MYO5B: variants seen among roughly 807,000 people sequenced by gnomAD.
The protein encoded by MYO5B is myosin VB.
A neutral mutation model predicts 229.3 loss-of-function variants in MYO5B; 143 were observed. The observed-to-expected ratio is 0.62, with a 90% CI of 0.54 to 0.72. The LOEUF is 0.72. Ranked by LOEUF, MYO5B falls within the 30% of genes least tolerant of loss-of-function variation. The probability of loss-of-function intolerance (pLI) is 0.00; values close to 1 mark genes in which losing one functional copy is unlikely to be tolerated. For synonymous variants in MYO5B, 918 were observed against 885.2 expected, an observed-to-expected ratio of 1.04 and a Z score of -0.66; for missense variants, 2,321 against 2,331.0, an observed-to-expected ratio of 1.00 and a Z score of 0.09.
intron 23 of MYO5B, chr18:49,879,527 G>A (rs778633376): frequency 3.0e-5 from 7 of 235,126 alleles, no homozygotes; most frequent in African/African-American, 4.5e-5. Flanking sequence ...AGAGAAGGAT[G>A]GGCTACTTCC....
At chr18:49,838,419 C>T (rs919643404) in intron 36 of MYO5B, among the ~76,000 whole-genome samples, 1 of 152,152 alleles carries the variant, frequency 6.6e-6, no homozygotes, top group Non-Finnish European at 1.5e-5. Context: ...TATGTCAGTT[C>T]TCCCTCTGTC....
chr18:50,179,808 T>C (rs562253102), intron 1 of MYO5B, among the ~76,000 whole-genome samples: 19 of 152,284 alleles, frequency 1.2e-4, no homozygotes, highest in Non-Finnish European at 2.1e-4. Flanking sequence ...GAGCCTCATC[T>C]CCCTTAATGC....
At chr18:49,936,008 C>T (rs760899201) in intron 16 of MYO5B, among the ~76,000 whole-genome samples, 1 of 152,240 alleles carries the variant, frequency 6.6e-6, no homozygotes, top group African/African-American at 2.4e-5. Flanking sequence ...TTCAAGCATG[C>T]ACATTCCTGA....
At chr18:50,145,356 G>A (rs574338394) in intron 1 of MYO5B, among the ~76,000 whole-genome samples, 1 of 151,804 alleles carries the variant, frequency 6.6e-6, no homozygotes, top group East Asian at 1.9e-4. Context: ...GTGTGGTGGT[G>A]GGCACCAATA....
At chr18:49,962,529 T>C in intron 11 of MYO5B, 123 bp from the exon 12 acceptor site, 2 of 1,353,732 alleles carry the variant, frequency 1.5e-6, no homozygotes, top group Non-Finnish European at 2.1e-6. Context: ...AAGGTTTGGA[T>C]GCTAAGTCAT....
intron 1 of MYO5B, among the ~76,000 whole-genome samples, chr18:50,115,272 G>A (rs913242379): frequency 6.6e-6 from 1 of 152,076 alleles, no homozygotes; most frequent in African/African-American, 2.4e-5. Context: ...CACACCACAA[G>A]GTCCTCTCCC....
chr18:49,950,254 T>C (rs1274409254), intron 14 of MYO5B, among the ~76,000 whole-genome samples: 1 of 152,196 alleles, frequency 6.6e-6, no homozygotes, highest in Non-Finnish European at 1.5e-5. Flanking sequence ...AAAAGGTCAC[T>C]GGCTCTTTAG....
chr18:49,837,389 G>T (rs371336958), intron 37 of MYO5B, 128 bp downstream of exon 37: 1 of 1,158,374 alleles, frequency 8.6e-7, no homozygotes, highest in Non-Finnish European at 1.3e-6. Flanking sequence ...GTCACAGACT[G>T]ATGGAGACAA....
chr18:49,848,206 CTCAG>C (rs1568608286), intron 32 of MYO5B, among the ~76,000 whole-genome samples: 1 of 152,210 alleles, frequency 6.6e-6, no homozygotes, highest in Non-Finnish European at 1.5e-5. Flanking sequence ...TATGACACAG[CTCAG>C]TCAGGCACCA....
intron 4 of MYO5B, among the ~76,000 whole-genome samples, chr18:50,007,421 C>G (rs2026113803): frequency 6.6e-6 from 1 of 152,190 alleles, no homozygotes; most frequent in South Asian, 2.1e-4. Flanking sequence ...GCTTTCCAGC[C>G]TGTACTCTCC....
intron 14 of MYO5B, among the ~76,000 whole-genome samples, chr18:49,946,546 T>A (rs1382493213): frequency 6.6e-6 from 1 of 152,244 alleles, no homozygotes; most frequent in Non-Finnish European, 1.5e-5. Context: ...TTTCTCCTGC[T>A]TCCATTAGAA....
intron 33 of MYO5B, 122 bp from the exon 34 acceptor site, chr18:49,843,514 GTCTCAA>G: frequency 3.9e-6 from 5 of 1,271,468 alleles, no homozygotes; most frequent in Non-Finnish European, 5.6e-6. Context: ...AGGAATAGAT[GTCTCAA>G]AGAGGATTGG....
In MYO5B at chr18:49,929,496, C is replaced by A. The variant is rs576210812; in HGVS notation, c.2090+16G>T. On this transcript the variant is annotated intron_variant, in intron 17 of 39. Transcript: ENST00000285039. ...TAGGGCAGCCCCAGGAGGCAGCTGG[C>A]GGGCACGTTAGTTACCTGGATGGGT... is the stretch of plus-strand genomic sequence containing the variant. 6.3e-7 allele frequency: 1 copy of A among 1,594,324 alleles called. No individual in the cohort carries two copies. The highest frequency in any genetic ancestry group is 2.2e-5 in the East Asian group (1 of 44,600).
intron 1 of MYO5B, among the ~76,000 whole-genome samples, chr18:50,130,225 AT>A (rs1267630340): frequency 1.9e-4 from 29 of 152,306 alleles, no homozygotes; most frequent in Non-Finnish European, 3.2e-4. Flanking sequence ...CATCAGCCAT[AT>A]TTTTTTAAGC....
At chr18:49,960,452 G>C (rs2025546395) in intron 12 of MYO5B, among the ~76,000 whole-genome samples, 1 of 152,140 alleles carries the variant, frequency 6.6e-6, no homozygotes, top group Non-Finnish European at 1.5e-5. Flanking sequence ...GTGCTTCCAG[G>C]CCCTACTATG....
chr18:49,877,218 A>G (rs181656189), intron 25 of MYO5B, among the ~76,000 whole-genome samples: 1 of 152,330 alleles, frequency 6.6e-6, no homozygotes, highest in East Asian at 1.9e-4. Context: ...AAAATTATAC[A>G]AAGACCACAC....
rs956656105 is a variant in MYO5B, at chr18:50,065,430, A to G, written c.28-10052T>C. Among the ~76,000 whole-genome samples the G allele has an allele frequency of 2.0e-5, 3 of 152,338 alleles. No homozygotes were observed. The South Asian group carries it at 6.2e-4, about 32-fold the overall frequency. ...CTGGGGAGGCTTCAGGAAACTTACA[A>G]TCATGGCGGAAGGCGAAGCAGCAGC... On this transcript the variant is annotated intron_variant, in intron 1 of 39. Transcript: ENST00000285039.
chr18:50,095,976 A>T (rs75519872), intron 1 of MYO5B, among the ~76,000 whole-genome samples: 1 of 152,154 alleles, frequency 6.6e-6, no homozygotes, highest in East Asian at 1.9e-4. Context: ...GTAGGTCAAT[A>T]TCACCCACCT....
intron 27 of MYO5B, among the ~76,000 whole-genome samples, chr18:49,869,306 G>GA (rs1436092572): frequency 6.6e-6 from 1 of 152,160 alleles, no homozygotes; most frequent in Non-Finnish European, 1.5e-5. Context: ...AAAGTCCCCT[G>GA]AATGTCTGGG....
Sources: gnomAD v4.1 joint callset for allele counts (sites outside exome capture counted in the v4.1 genomes callset) on GRCh38, gnomAD v4.1.1 for gene constraint, MANE v1.5 for transcripts, NCBI Gene and HGNC (gene_info 2026-07-23, HGNC 2026-07-21) for gene names.